LDLRAD4: variants seen among roughly 807,000 people sequenced by gnomAD.
LDLRAD4 encodes low-density lipoprotein receptor class A domain-containing protein 4.
In LDLRAD4, 5 loss-of-function variants were observed where a neutral mutation model predicts 17.0. The ratio of observed to expected loss-of-function variants is 0.29; its 90% CI spans 0.15 to 0.62. The LOEUF (loss-of-function observed/expected upper bound fraction) is 0.62, where lower values mean the gene tolerates loss of function less well. Among genes scored for constraint, LDLRAD4 ranks in the 20% least tolerant of loss-of-function variants. The pLI, the probability that LDLRAD4 is intolerant of heterozygous loss-of-function variation, is 0.84. For missense variants in LDLRAD4, 340 were observed against 424.7 expected, an observed-to-expected ratio of 0.80 and a Z score of 1.75; for synonymous variants, 168 against 171.8, an observed-to-expected ratio of 0.98 and a Z score of 0.17.
At chr18:13,642,780 C>T (rs1373329641) in intron 4 of LDLRAD4, 1 of 1,216,964 alleles carries the variant, frequency 8.2e-7, no homozygotes, top group Non-Finnish European at 1.0e-6. Flanking sequence ...AGCCATATTC[C>T]ACTTCAAATC....
chr18:13,264,934 T>C (rs1004122554), intron 1 of LDLRAD4, among the ~76,000 whole-genome samples: 9 of 152,244 alleles, frequency 5.9e-5, no homozygotes, highest in Non-Finnish European at 1.3e-4. Flanking sequence ...GAGGAAGACG[T>C]TGGCAAATTG....
upstream of LDLRAD4, among the ~76,000 whole-genome samples, chr18:13,273,995 C>T (rs1293614429): frequency 5.3e-5 from 8 of 152,126 alleles, no homozygotes; most frequent in Non-Finnish European, 1.2e-4. Context: ...TGGAAACCCA[C>T]GTGTGGATGC....
chr18:13,318,906 A>AGTCCCCTTCCCTAGTGACTCGCT (rs2081073367), intron 1 of LDLRAD4, among the ~76,000 whole-genome samples: 3 of 152,208 alleles, frequency 2.0e-5, no homozygotes, highest in Admixed American at 2.0e-4. Flanking sequence ...CACGGACCGC[A>AGTCCCCTTCCCTAGTGACTCGCT]GTCCCCTTCC....
intron 1 of LDLRAD4, among the ~76,000 whole-genome samples, chr18:13,249,977 T>C (rs1007205565): frequency 1.3e-5 from 2 of 152,244 alleles, no homozygotes; most frequent in Non-Finnish European, 2.9e-5. Flanking sequence ...CATATAGTTT[T>C]CCCAGCATTA....
chr18:13,222,752 C>T (rs924635663), intron 1 of LDLRAD4, among the ~76,000 whole-genome samples: 19 of 152,230 alleles, frequency 1.2e-4, no homozygotes, highest in African/African-American at 4.3e-4. Flanking sequence ...TTTTGCTAGG[C>T]TGCTCCGCCT....
At chr18:13,614,917 G>T (rs1000865943) in intron 3 of LDLRAD4, 3 of 152,254 alleles carry the variant, frequency 2.0e-5, no homozygotes, top group African/African-American at 7.2e-5. Flanking sequence ...GGAAGGAAAT[G>T]CGACAAGTTC....
At chr18:13,452,108 C>G (rs2091871997) in intron 3 of LDLRAD4, among the ~76,000 whole-genome samples, 1 of 152,188 alleles carries the variant, frequency 6.6e-6, no homozygotes, top group Admixed American at 6.5e-5. Context: ...AGAGTAGGGA[C>G]TGGGCCTAGC....
chr18:13,513,969 T>C (rs543575125), intron 3 of LDLRAD4, among the ~76,000 whole-genome samples: 67 of 152,342 alleles, frequency 4.4e-4, no homozygotes, highest in Non-Finnish European at 5.9e-5. Flanking sequence ...CCATTGTGGA[T>C]CAATTCAGGG....
upstream of LDLRAD4, among the ~76,000 whole-genome samples, chr18:13,273,671 C>G (rs1453903698): frequency 6.6e-6 from 1 of 152,196 alleles, no homozygotes; most frequent in Admixed American, 6.5e-5. Flanking sequence ...AGGCCAGAAG[C>G]CTGCGGCCAG....
At chr18:13,550,223 A>T (rs781275201) in intron 3 of LDLRAD4, among the ~76,000 whole-genome samples, 21 of 152,176 alleles carry the variant, frequency 1.4e-4, no homozygotes, top group Non-Finnish European at 1.5e-4. Flanking sequence ...TCTTGGAGGG[A>T]GAATAAGGGG....
intron 4 of LDLRAD4, among the ~76,000 whole-genome samples, chr18:13,637,871 C>CAAA (rs555640548): frequency 1.1e-4 from 8 of 71,692 alleles, no homozygotes; most frequent in African/African-American, 2.1e-4. Flanking sequence ...GTCTCAACAA[C>CAAA]AAAAAAAAAA....
chr18:13,426,892 T>C (rs2089977983), intron 2 of LDLRAD4, among the ~76,000 whole-genome samples: 2 of 152,234 alleles, frequency 1.3e-5, no homozygotes, highest in South Asian at 4.2e-4. Context: ...AGGTTTGAGA[T>C]CTCAGAAGGA....
rs577434426 is a variant in LDLRAD4, at chr18:13,633,904, G to A, written c.337-9455G>A. Among the ~76,000 whole-genome samples the A allele has an allele frequency of 1.7e-4, 26 of 152,306 alleles. No homozygotes were observed. The South Asian group carries it at 1.9e-3, about 11-fold the overall frequency. On this transcript the variant is annotated intron_variant, in intron 4 of 5. Coordinates refer to ENST00000359446, the Ensembl canonical transcript of LDLRAD4. ...CCTGTTCCTGGCTCTCACCGGCTCCGTGGAGCACACAGCCCTGGCCATGCC... is the reference window on the plus strand; with the variant it reads ...CCTGTTCCTGGCTCTCACCGGCTCCATGGAGCACACAGCCCTGGCCATGCC...
chr18:13,313,818 G>C (rs576264237), intron 1 of LDLRAD4, among the ~76,000 whole-genome samples: 2 of 129,504 alleles, frequency 1.5e-5, no homozygotes, highest in Non-Finnish European at 3.2e-5. Context: ...GCCAACAGCC[G>C]TGTGCGGGGG....
At chr18:13,228,253 G>A (rs2041908478) in intron 1 of LDLRAD4, among the ~76,000 whole-genome samples, 1 of 152,204 alleles carries the variant, frequency 6.6e-6, no homozygotes, top group South Asian at 2.1e-4. Flanking sequence ...CCAGTGGTCT[G>A]GCCGGTGGGG....
At position 13,367,896 on chromosome 18, in the gene LDLRAD4, C is replaced by A. The variant is rs1405366925; in HGVS notation, c.-382-19445C>A. Among the ~76,000 whole-genome samples the A allele has an allele frequency of 1.3e-5, 2 of 151,926 alleles. No homozygotes were observed. Among genetic ancestry groups the A allele is most frequent in the African/African-American group, 4.8e-5 (2 of 41,344 alleles). ...GGACGACTGGGCATGGGGGCGTGTG[C>A]CTGTGGTCACAGCTACTCAGGAGGC... On this transcript the variant is annotated intron_variant, in intron 1 of 5. Transcript: ENST00000359446. This position sits in a 1 kb window ranked among gnomAD's most constrained non-coding sequence, Gnocchi z 4.1.
chr18:13,285,878 T>C (rs983625931), intron 1 of LDLRAD4, among the ~76,000 whole-genome samples: 4 of 152,194 alleles, frequency 2.6e-5, no homozygotes, highest in African/African-American at 7.2e-5. Flanking sequence ...TGGTAAGATA[T>C]ACATAATGTG....
rs146114873 is a variant in LDLRAD4, at chr18:13,441,298, G to A, written c.181+2914G>A. 1.3e-4 allele frequency among the ~76,000 whole-genome samples: 19 copies of A among 151,688 alleles called. No homozygotes were observed. In the East Asian group the frequency reaches 1.3e-3, roughly 11 times the overall value. ...TTTTTATTGGATCCTTCACCAGCCC[G>A]TTTCCTACAGCAGGCAGACAGCCTG... On this transcript the variant is annotated intron_variant, in intron 3 of 5. Transcript: ENST00000359446.
intron 1 of LDLRAD4, among the ~76,000 whole-genome samples, chr18:13,273,060 C>T (rs971167957): frequency 2.6e-5 from 4 of 152,196 alleles, no homozygotes; most frequent in Admixed American, 2.6e-4. Flanking sequence ...TGAATGAATG[C>T]ACACGTGCAT....
Sources: gnomAD v4.1 joint callset for allele counts (sites outside exome capture counted in the v4.1 genomes callset) on GRCh38, gnomAD v4.1.1 for gene constraint, Gnocchi (gnomAD v3.1) non-coding constraint, MANE v1.5 for transcripts, NCBI Gene and HGNC (gene_info 2026-07-23, HGNC 2026-07-21) for gene names.